Variants in KIF21A observed in about 807,000 individuals in gnomAD.
KIF21A encodes the protein kinesin family member 21A, also known as kinesin-like protein KIF21A.
KIF21A carries 114 observed loss-of-function variants against 202.9 expected under a neutral mutation model. The observed-to-expected ratio is 0.56, with a 90% CI of 0.48 to 0.66. The LOEUF is 0.66. KIF21A is among the 30% of genes least tolerant of loss of function. The pLI is 0.00. For missense variants in KIF21A, 1,677 were observed against 1,994.9 expected (o/e 0.84, Z 3.04); for synonymous variants, 667 against 670.8 (o/e 0.99, Z 0.09).
chr12:39,316,638 C>T (rs1290941707), intron 29 of KIF21A, among the ~76,000 whole-genome samples: 1 of 152,038 alleles, frequency 6.6e-6, no homozygotes, highest in Non-Finnish European at 1.5e-5. Flanking sequence ...TTCGACTGTA[C>T]AACAGGCTTG....
At chr12:39,303,226 T>C in intron 35 of KIF21A, 91 bp from the exon 36 acceptor site, 5 of 1,032,806 alleles carry the variant, frequency 4.8e-6, no homozygotes, top group Non-Finnish European at 7.5e-6. Flanking sequence ...CACATGTATG[T>C]TAATCAGACA....
chr12:39,431,663 G>C (rs1199649241), intron 1 of KIF21A, among the ~76,000 whole-genome samples: 1 of 152,136 alleles, frequency 6.6e-6, no homozygotes, highest in Admixed American at 6.6e-5. Flanking sequence ...TTCAAAGGCA[G>C]CCTGACGTTA....
intron 6 of KIF21A, among the ~76,000 whole-genome samples, chr12:39,364,470 G>T (rs759955000): frequency 3.9e-5 from 6 of 152,144 alleles, no homozygotes; most frequent in Non-Finnish European, 8.8e-5. Context: ...CAGAATCCAG[G>T]CATGCCATTT....
chr12:39,393,669 G>C (rs1271547048), intron 1 of KIF21A, among the ~76,000 whole-genome samples: 1 of 152,126 alleles, frequency 6.6e-6, no homozygotes, highest in Non-Finnish European at 1.5e-5. Context: ...ACTAACTGAG[G>C]CAATTTTTTA....
At chr12:39,295,767 C>G (rs1408565820) in intron 37 of KIF21A, among the ~76,000 whole-genome samples, 1 of 133,028 alleles carries the variant, frequency 7.5e-6, no homozygotes, top group Non-Finnish European at 1.5e-5. Flanking sequence ...GGCGCGATCT[C>G]GGCTCCTCTG....
At chr12:39,321,649 TA>T (rs755481122) in intron 27 of KIF21A, 1 of 152,226 alleles carries the variant, frequency 6.6e-6, no homozygotes, top group African/African-American at 2.4e-5. Context: ...GCAGATGGGA[TA>T]CTGAATGGAA....
chr12:39,393,226 T>TCTGA (rs1951500049), intron 1 of KIF21A, among the ~76,000 whole-genome samples: 1 of 151,792 alleles, frequency 6.6e-6, no homozygotes, highest in Non-Finnish European at 1.5e-5. Context: ...CCAGACTTGG[T>TCTGA]CTGACTAGAC....
At chr12:39,423,971 A>G (rs1182424137) in intron 1 of KIF21A, among the ~76,000 whole-genome samples, 1 of 140,188 alleles carries the variant, frequency 7.1e-6, no homozygotes, top group Non-Finnish European at 1.5e-5. Context: ...GGGACAGAGC[A>G]AGACTCTGTC....
At chr12:39,349,248 A>G (rs1208890332) in intron 11 of KIF21A, among the ~76,000 whole-genome samples, 2 of 152,082 alleles carry the variant, frequency 1.3e-5, no homozygotes, top group Non-Finnish European at 2.9e-5. Flanking sequence ...TATTCTTACC[A>G]TATTATAAAA....
At position 39,367,821 on chromosome 12, in the gene KIF21A, GCAAAGCT is replaced by G. The variant is rs548428922; in HGVS notation, c.600+55_600+61del. 225 of 1,294,560 alleles carry G rather than the reference GCAAAGCT, an allele frequency of 1.7e-4. No individual in the cohort carries two copies. In the African/African-American group the frequency reaches 3.1e-3, roughly 18 times the overall value. 80.2% of individuals were successfully genotyped at this position (1,294,560 alleles called of 1,614,324 possible). A position where few individuals can be genotyped will look rare whatever the true frequency, so the allele number is the denominator to read the frequency against. ...TATCTTGATCTTAAGCAGATTATCA[GCAAAGCT>G]CACTATTTAAATAAAGCCAACTATG... On this transcript the variant is annotated intron_variant, in intron 4 of 37. Transcript: ENST00000361418.
intron 16 of KIF21A, among the ~76,000 whole-genome samples, chr12:39,339,790 G>A (rs969474023): frequency 4.4e-4 from 67 of 152,242 alleles, no homozygotes; most frequent in African/African-American, 1.6e-3. Context: ...ATAAACAGAA[G>A]GCTTACTGTA....
chr12:39,420,610 C>G (rs972847435), intron 1 of KIF21A, among the ~76,000 whole-genome samples: 7 of 152,106 alleles, frequency 4.6e-5, no homozygotes, highest in African/African-American at 1.4e-4. Context: ...GCGAGTCCCC[C>G]TTTCCCACTG....
intron 1 of KIF21A, among the ~76,000 whole-genome samples, chr12:39,371,146 C>T (rs944374223): frequency 6.6e-6 from 1 of 152,114 alleles, no homozygotes; most frequent in Non-Finnish European, 1.5e-5. Flanking sequence ...ACAGATGTAA[C>T]AATCCATTAT....
intron 37 of KIF21A, among the ~76,000 whole-genome samples, chr12:39,298,035 C>A (rs981543609): frequency 6.6e-6 from 1 of 151,740 alleles, no homozygotes; most frequent in African/African-American, 2.4e-5. Context: ...CCAGGTTAAC[C>A]CCCCTATTGT....
intron 1 of KIF21A, among the ~76,000 whole-genome samples, chr12:39,420,497 C>G (rs1954163731): frequency 6.6e-6 from 1 of 152,050 alleles, no homozygotes; most frequent in Non-Finnish European, 1.5e-5. Flanking sequence ...AAAAAAAAAT[C>G]TGCTCTTCTT....
At chr12:39,364,877 A>G (rs1489017620) in intron 6 of KIF21A, among the ~76,000 whole-genome samples, 1 of 152,214 alleles carries the variant, frequency 6.6e-6, no homozygotes, top group Non-Finnish European at 1.5e-5. Context: ...TTGTAAAACT[A>G]ACAAATTAGC....
intron 33 of KIF21A, 45 bp downstream of exon 33, chr12:39,309,536 AAAAAG>A (rs1437880379): frequency 1.5e-6 from 2 of 1,377,444 alleles, no homozygotes; most frequent in African/African-American, 1.5e-5. Flanking sequence ...AAAAAAAAAA[AAAAAG>A]AAGAGCTATT....
intron 11 of KIF21A, among the ~76,000 whole-genome samples, chr12:39,347,792 A>G (rs529859890): frequency 1.3e-5 from 2 of 152,166 alleles, no homozygotes; most frequent in East Asian, 1.9e-4. Context: ...ACCCAACACC[A>G]CTAAATACAA....
chr12:39,328,863 A>G (rs921520084), intron 24 of KIF21A, among the ~76,000 whole-genome samples: 1 of 152,192 alleles, frequency 6.6e-6, no homozygotes, highest in African/African-American at 2.4e-5. Flanking sequence ...TCTCCTCCAG[A>G]AAGCCTTCAT....
Sources: gnomAD v4.1 joint callset for allele counts (sites outside exome capture counted in the v4.1 genomes callset) on GRCh38, gnomAD v4.1.1 for gene constraint, MANE v1.5 for transcripts, NCBI Gene and HGNC (gene_info 2026-07-23, HGNC 2026-07-21) for gene names.